Variants in ITGB8 observed in about 807,000 individuals in gnomAD.
The protein encoded by ITGB8 is integrin subunit beta 8.
In ITGB8, 30 loss-of-function variants were observed where a neutral mutation model predicts 89.5. The ratio of observed to expected loss-of-function variants is 0.34; its 90% CI spans 0.25 to 0.45. ITGB8 has a LOEUF of 0.45. Among genes scored for constraint, ITGB8 ranks in the 20% least tolerant of loss-of-function variants. The probability of loss-of-function intolerance (pLI) is 1.00; values close to 1 mark genes in which losing one functional copy is unlikely to be tolerated. For missense variants in ITGB8, 836 were observed against 933.3 expected, an observed-to-expected ratio of 0.90 and a Z score of 1.36; for synonymous variants, 335 against 320.4, an observed-to-expected ratio of 1.05 and a Z score of -0.49.
chr7:20,404,663 T>A lies in ITGB8; in HGVS notation c.1723T>A (p.Phe575Ile), dbSNP rs370722333. ...GECEAGRCQC[F>I]SGWEGDRCQC... ...GTGTGAAGCAGGCAGATGCCAATGC[T>A]TCAGTGGCTGGGAAGGTGATCGATG... Residue 575 changes from phenylalanine (F) to isoleucine (I), a missense_variant, in exon 11 of 14, where the codon TTC becomes ATC. By Grantham distance (21) the Phe-to-Ile change is conservative. This residue lies in a region of ITGB8 where 422 missense variants were observed against 416.9 expected (regional missense o/e 1.01). Transcript: ENST00000222573. 74 of 1,613,978 alleles carry A rather than the reference T, an allele frequency of 4.6e-5. No individual in the cohort carries two copies. The highest frequency in any genetic ancestry group is 8.3e-5 in the Admixed American group (5 of 59,984).
At chr7:20,409,231 C>T (rs1032996742) in intron 12 of ITGB8, among the ~76,000 whole-genome samples, 2 of 152,188 alleles carry the variant, frequency 1.3e-5, no homozygotes, top group Non-Finnish European at 2.9e-5. Flanking sequence ...ATCCTCTTTT[C>T]CATTTAGTGA....
chr7:20,380,914 T>C, intron 5 of ITGB8, 83 bp downstream of exon 5: 1 of 1,232,344 alleles, frequency 8.1e-7, no homozygotes, highest in South Asian at 1.4e-5. Flanking sequence ...CTTTGATTTG[T>C]GGAGTGAAAA....
intron 2 of ITGB8, chr7:20,365,416 T>C (rs1368306334): frequency 6.6e-6 from 1 of 152,234 alleles, no homozygotes; most frequent in Non-Finnish European, 1.5e-5. Context: ...ATTCAAATCC[T>C]AGTTCCACCA....
intron 1 of ITGB8, among the ~76,000 whole-genome samples, chr7:20,351,911 C>G (rs1018284250): frequency 2.0e-5 from 3 of 151,924 alleles, no homozygotes; most frequent in Non-Finnish European, 4.4e-5. Flanking sequence ...AGAAAGGAAA[C>G]CTATACCTGC....
intron 1 of ITGB8, among the ~76,000 whole-genome samples, chr7:20,360,674 T>TTAC (rs72568458): frequency 1.3e-5 from 2 of 149,698 alleles, no homozygotes; most frequent in Admixed American, 6.7e-5. Flanking sequence ...AAGGACATTA[T>TTAC]TTTTTTACGG....
At chr7:20,345,146 G>A (rs553746818) in intron 1 of ITGB8, among the ~76,000 whole-genome samples, 1 of 152,062 alleles carries the variant, frequency 6.6e-6, no homozygotes, top group South Asian at 2.1e-4. Context: ...CAATTCCCAG[G>A]GCCTCAGGGA....
intron 1 of ITGB8, among the ~76,000 whole-genome samples, chr7:20,347,943 A>G (rs966241981): frequency 6.6e-6 from 1 of 152,238 alleles, no homozygotes; most frequent in Non-Finnish European, 1.5e-5. Flanking sequence ...ACATTTAAAC[A>G]TTGCTAAGTG....
intron 3 of ITGB8, among the ~76,000 whole-genome samples, chr7:20,373,981 G>T (rs951141430): frequency 6.6e-6 from 1 of 152,100 alleles, no homozygotes; most frequent in African/African-American, 2.4e-5. Context: ...CTCTAAGTAG[G>T]TCATCAACTC....
intron 1 of ITGB8, chr7:20,346,729 G>A: frequency 1.0e-6 from 1 of 985,318 alleles, no homozygotes; most frequent in Non-Finnish European, 1.2e-6. Flanking sequence ...GATGATTAAA[G>A]TGATTGCCTG....
chr7:20,362,793 ATGTATGACTCATTC>A (rs1227155627), intron 1 of ITGB8, among the ~76,000 whole-genome samples: 2 of 152,184 alleles, frequency 1.3e-5, no homozygotes, highest in Non-Finnish European at 2.9e-5. Context: ...TGATAAAATG[ATGTATGACTCATTC>A]TGTATCATAG....
chr7:20,387,914 A>G (rs1786694242), intron 6 of ITGB8, among the ~76,000 whole-genome samples: 1 of 152,222 alleles, frequency 6.6e-6, no homozygotes, highest in African/African-American at 2.4e-5. Context: ...CTTTCCTCTA[A>G]AAAATCACGC....
intron 1 of ITGB8, among the ~76,000 whole-genome samples, chr7:20,338,033 G>T (rs1473667056): frequency 6.6e-6 from 1 of 152,176 alleles, no homozygotes; most frequent in African/African-American, 2.4e-5. Context: ...GGCTACCTGT[G>T]CTGCAGAATA....
chr7:20,406,230 C>G, intron 12 of ITGB8, 59 bp downstream of exon 12: 1 of 1,031,320 alleles, frequency 9.7e-7, no homozygotes, highest in Non-Finnish European at 1.5e-6. Context: ...TGATGTTCCC[C>G]CAAAAGACCC....
chr7:20,414,638 ATTC>A lies in ITGB8; in HGVS notation c.*4647_*4649del, dbSNP rs1473808821. On this transcript the variant is annotated 3_prime_UTR_variant, in exon 14 of 14. Transcript: ENST00000222573. ...TTCTTCTAGAGTCCTCTTACTTTTT[ATTC>A]TTCTTTATCATTTGTGGGTTTTTCC... The A allele has an allele frequency of 1.3e-5, 2 of 152,474 alleles. No homozygotes were observed. The highest frequency in any genetic ancestry group is 4.8e-5 in the African/African-American group (2 of 41,414). 9.4% of individuals were successfully genotyped at this position (152,474 alleles called of 1,614,324 possible). A position where few individuals can be genotyped will look rare whatever the true frequency, so the allele number is the denominator to read the frequency against.
At chr7:20,361,222 G>A (rs1026353190) in intron 1 of ITGB8, among the ~76,000 whole-genome samples, 1 of 152,086 alleles carries the variant, frequency 6.6e-6, no homozygotes, top group Non-Finnish European at 1.5e-5. Flanking sequence ...CAACACAAAA[G>A]TCTTACCTGT....
chr7:20,380,396 C>A (rs1016450904), intron 4 of ITGB8: 3 of 341,606 alleles, frequency 8.8e-6, no homozygotes, highest in Non-Finnish European at 1.6e-5. Flanking sequence ...ATATTGAAAG[C>A]CTTTAACTGT....
intron 1 of ITGB8, among the ~76,000 whole-genome samples, chr7:20,333,609 T>C (rs946698790): frequency 3.3e-5 from 5 of 152,196 alleles, no homozygotes; most frequent in African/African-American, 4.8e-5. Context: ...TTATAAACAT[T>C]AGTCAGGCTC....
In ITGB8 at chr7:20,402,089, C is replaced by G. The variant is rs765521026; in HGVS notation, c.1650C>G (p.Asp550Glu). ...ATGGAAAATACTGTGAAAAGGATGA[C>G]TTTTCTTGTCCATATCACCATGGAA... ...KVYGKYCEKD[D>E]FSCPYHHGNL... Residue 550 changes from aspartate (D) to glutamate (E), a missense_variant, in exon 10 of 14, where the codon GAC becomes GAG. Transcript: ENST00000222573. 2 of 1,613,652 alleles carry G rather than the reference C, an allele frequency of 1.2e-6. No homozygotes were observed. The highest frequency in any genetic ancestry group is 1.7e-5 in the Admixed American group (1 of 60,006).
chr7:20,394,761 T>TC (rs1162661607), intron 7 of ITGB8, 135 bp from the exon 8 acceptor site: 2 of 637,388 alleles, frequency 3.1e-6, no homozygotes, highest in African/African-American at 3.7e-5. Flanking sequence ...CTTATATTTT[T>TC]CTTGTGTCTT....
Sources: allele counts gnomAD v4.1 joint callset (sites outside exome capture counted in the v4.1 genomes callset), GRCh38; gene constraint gnomAD v4.1.1; regional missense constraint gnomAD v4.1.1; transcripts MANE v1.5; gene names NCBI Gene and HGNC (gene_info 2026-07-23, HGNC 2026-07-21).